AATK: variants seen among roughly 807,000 people sequenced by gnomAD.
AATK encodes serine/threonine-protein kinase LMTK1.
A neutral mutation model predicts 114.3 loss-of-function variants in AATK; 91 were observed. The observed-to-expected ratio is 0.80, with a 90% confidence interval of 0.67 to 0.95. The LOEUF (loss-of-function observed/expected upper bound fraction) is 0.95. Ranked by LOEUF, AATK falls within the 40% of genes least tolerant of loss-of-function variation. The probability of loss-of-function intolerance (pLI) is 0.00; values close to 1 mark genes in which losing one functional copy is unlikely to be tolerated. For missense variants in AATK, 2,176 were observed against 1,965.2 expected (o/e 1.11, Z -2.03); for synonymous variants, 1,075 against 916.5 (o/e 1.17, Z -3.12).
At chr17:81,135,148 C>T (rs2060990797) in intron 1 of AATK, among the ~76,000 whole-genome samples, 1 of 152,206 alleles carries the variant, frequency 6.6e-6, no homozygotes, top group Non-Finnish European at 1.5e-5. Flanking sequence ...CCCCGTTCTG[C>T]AGCTGCTGGT....
At chr17:81,162,233 C>A (rs562970033) in intron 1 of AATK, among the ~76,000 whole-genome samples, 128 of 152,164 alleles carry the variant, frequency 8.4e-4, no homozygotes, top group African/African-American at 3.0e-3. Context: ...TCTCCAAGAA[C>A]CCACCTCGGC....
intron 1 of AATK, among the ~76,000 whole-genome samples, chr17:81,143,775 C>T (rs2061175186): frequency 6.6e-6 from 1 of 152,246 alleles, no homozygotes; most frequent in African/African-American, 2.4e-5. Context: ...CCACTCTCTC[C>T]ACCCACACTG....
At chr17:81,162,409 G>A (rs2061437875) in intron 1 of AATK, among the ~76,000 whole-genome samples, 1 of 152,178 alleles carries the variant, frequency 6.6e-6, no homozygotes, top group South Asian at 2.1e-4. Flanking sequence ...TGCTGCCTGA[G>A]CCTGAGTGGT....
intron 1 of AATK, among the ~76,000 whole-genome samples, chr17:81,157,380 C>T (rs1020464473): frequency 2.6e-5 from 4 of 152,208 alleles, no homozygotes; most frequent in East Asian, 1.9e-4. Flanking sequence ...TAGACGCACA[C>T]GTACCCCTCC....
chr17:81,131,270 G>A, intron 2 of AATK, 65 bp from the exon 3 acceptor site: 1 of 1,487,588 alleles, frequency 6.7e-7, no homozygotes, highest in East Asian at 2.5e-5. Flanking sequence ...GCTGGGCCTG[G>A]AAAGGCCCCT....
In AATK at chr17:81,119,399, C is replaced by T. The variant is rs775875316; in HGVS notation, c.4065G>A (p.Ser1355=). The change falls in exon 13 of 14, where the codon TCG becomes TCA. Residue 1355 remains serine, a synonymous_variant. Coordinates refer to ENST00000326724, the MANE Select transcript of AATK (RefSeq NM_001080395.3). ...SRFSITHVSD[S]DAESKRGPEA... is the part of the protein sequence containing the mutation. ...CCTCACCTCTCTTGGACTCGGCGTC[C>T]GAGTCAGACACGTGCGTGATGGAGA... 44 of 1,557,744 alleles carry T rather than the reference C, an allele frequency of 2.8e-5. No individual in the cohort carries two copies. In the South Asian group the frequency reaches 4.5e-4, roughly 16 times the overall value.
rs1018775772 is a variant in AATK at position 81,121,631 on chromosome 17, C to G, written c.2305G>C (p.Ala769Pro). The G allele has an allele frequency of 6.7e-7, 1 of 1,492,364 alleles. No individual in the cohort carries two copies. The highest frequency in any genetic ancestry group is 8.9e-7 in the Non-Finnish European group (1 of 1,123,448). The allele number at this position is 1,492,364 out of a possible 1,614,324, so 92.4% of individuals were successfully genotyped here. A position where few individuals can be genotyped will look rare whatever the true frequency, so the allele number is the denominator to read the frequency against. The change falls in exon 11 of 14, where the codon GCC becomes CCC. Residue 769 changes from alanine to proline, a missense_variant. Transcript: ENST00000326724. ...CLVTPSWTET[A>P]SSGGDHPQAE... ...TGCGGGTGGTCACCCCCACTACTGGCTGTCTCTGTCCAGGAGGGTGTAACC... is the reference window on the plus strand; with the variant it reads ...TGCGGGTGGTCACCCCCACTACTGGGTGTCTCTGTCCAGGAGGGTGTAACC...
chr17:81,134,242 C>T (rs1236248529), intron 2 of AATK, 126 bp downstream of exon 2: 2 of 1,342,582 alleles, frequency 1.5e-6, no homozygotes, highest in African/African-American at 1.5e-5. Context: ...GGTGGCCCCA[C>T]AGCAACTACG....
At position 81,131,163 on chromosome 17, in the gene AATK, C is replaced by G; in HGVS notation, c.232G>C (p.Ala78Pro). 1.3e-6 allele frequency: 2 copies of G among 1,579,234 alleles called. No homozygotes were observed. The highest frequency in any genetic ancestry group is 1.7e-6 in the Non-Finnish European group (2 of 1,164,114). The change falls in exon 3 of 14, where the codon GCG becomes CCG. Residue 78 changes from alanine (A) to proline (P), a missense_variant. Physicochemically the swap from Ala to Pro is conservative, Grantham distance 27. Around this residue, in one of 4 missense-constraint regions of AATK, gnomAD observed 178 missense variants for 175.4 expected, o/e 1.01. Coordinates refer to ENST00000326724, the MANE Select transcript of AATK (RefSeq NM_001080395.3). ...AEGDEYAADLAQGSPATAAQN... is the reference protein window; with the variant it reads ...AEGDEYAADLPQGSPATAAQN... ...GCTGCCGTGGCCGGGGAGCCCTGCGCCAGGTCGGCTGCGTACTCGTCCCCC... is the reference window on the plus strand; with the variant it reads ...GCTGCCGTGGCCGGGGAGCCCTGCGGCAGGTCGGCTGCGTACTCGTCCCCC...
intron 9 of AATK, 94 bp downstream of exon 9, chr17:81,124,633 C>T: frequency 1.3e-6 from 2 of 1,556,646 alleles, no homozygotes; most frequent in East Asian, 2.3e-5. Context: ...CTCCGGCAGC[C>T]CCCTGACCTC....
At chr17:81,138,493 A>G (rs2061061573) in intron 1 of AATK, among the ~76,000 whole-genome samples, 2 of 143,362 alleles carry the variant, frequency 1.4e-5, no homozygotes, top group Admixed American at 1.4e-4. Context: ...GCATGCACAC[A>G]CACCCTCGTG....
At chr17:81,119,238 G>GGTC in intron 13 of AATK, 142 bp downstream of exon 13, 1 of 216,650 alleles carries the variant, frequency 4.6e-6, no homozygotes, top group South Asian at 7.2e-5. Context: ...CTGGGGCCGG[G>GGTC]AAGGAGCGGG....
Position 81,118,428 on chromosome 17 carries a change from C to A in AATK, c.4099G>T (p.Ala1367Ser), listed in dbSNP as rs763700215. The A allele has an allele frequency of 6.2e-7, 1 of 1,608,846 alleles. No homozygotes were observed. The highest frequency in any genetic ancestry group is 1.3e-5 in the African/African-American group (1 of 74,904). The change falls in exon 14 of 14, where the codon GCC becomes TCC. Residue 1367 changes from alanine (A) to serine (S), a missense_variant. Around this residue, in one of 4 missense-constraint regions of AATK, gnomAD observed 1,701 missense variants for 1,394.7 expected, o/e 1.22. Transcript: ENST00000326724. The part of the protein sequence containing the change: ...AESKRGPEAG[A>S]GGESKEA ...CAAGCCTCTTTACTCTCACCCCCGG[C>A]ACCAGCTTCAGGTCCTGGCAAGCAG... is the stretch of plus-strand genomic sequence containing the variant.
Position 81,121,579 on chromosome 17 carries a change from G to A in AATK, c.2357C>T (p.Ala786Val). The part of the protein sequence containing the change: ...PQAEPKLATE[A>V]EGTTGPRLPL... ...CAGGCGGGGTCCGGTAGTGCCCTCA[G>A]CCTCCGTGGCAAGCTTGGGCTCTGC... Residue 786 changes from alanine to valine, a missense_variant, in exon 11 of 14, where the codon GCT (alanine) becomes GTT (valine). Coordinates refer to ENST00000326724, the MANE Select transcript of AATK (RefSeq NM_001080395.3). The A allele has an allele frequency of 6.6e-7, 1 of 1,509,314 alleles. No individual in the cohort carries two copies. The highest frequency in any genetic ancestry group is 1.4e-5 in the African/African-American group (1 of 72,030). The allele number at this position is 1,509,314 out of a possible 1,614,324, so 93.5% of individuals were successfully genotyped here.
intron 2 of AATK, 28 bp from the exon 3 acceptor site, chr17:81,131,233 G>C: frequency 6.4e-7 from 1 of 1,550,738 alleles, no homozygotes; most frequent in Non-Finnish European, 8.7e-7. Context: ...CATGAGCGGG[G>C]CTTCTCGCAG....
chr17:81,135,117 G>A (rs2060990249), intron 1 of AATK, among the ~76,000 whole-genome samples: 1 of 152,192 alleles, frequency 6.6e-6, no homozygotes, highest in African/African-American at 2.4e-5. Flanking sequence ...TGCTGCTTCT[G>A]TCCTGGGAAC....
chr17:81,157,179 G>A (rs986742111), intron 1 of AATK, among the ~76,000 whole-genome samples: 4 of 152,224 alleles, frequency 2.6e-5, no homozygotes, highest in Admixed American at 1.3e-4. Context: ...AGGGGAGCCC[G>A]AATGTCCACG....
intron 1 of AATK, among the ~76,000 whole-genome samples, chr17:81,149,198 C>CCCTCCT (rs1167107589): frequency 3.3e-5 from 5 of 152,234 alleles, no homozygotes; most frequent in Middle Eastern, 3.4e-3. Context: ...CCGGGCTGGA[C>CCCTCCT]CCTCCTCCCC....
intron 1 of AATK, chr17:81,165,703 G>A (rs2061480032): frequency 6.6e-7 from 1 of 1,518,150 alleles, no homozygotes; most frequent in Middle Eastern, 1.7e-4. Context: ...AGGCAGCCAC[G>A]GAGTCACGAC....
Sources: gnomAD v4.1 joint callset for allele counts (sites outside exome capture counted in the v4.1 genomes callset) on GRCh38, gnomAD v4.1.1 for gene constraint, gnomAD v4.1.1 regional missense constraint, MANE v1.5 for transcripts, NCBI Gene and HGNC (gene_info 2026-07-23, HGNC 2026-07-21) for gene names.